Variants in FGF12 observed in about 807,000 individuals in gnomAD.
FGF12 encodes fibroblast growth factor 12B.
A neutral mutation model predicts 23.6 loss-of-function variants in FGF12; 14 were observed. The observed-to-expected ratio is 0.59, with a 90% CI of 0.39 to 0.93. The LOEUF is 0.93. FGF12 is among the 40% of genes least tolerant of loss of function. The probability of loss-of-function intolerance (pLI) is 0.00; values close to 1 mark genes in which losing one functional copy is unlikely to be tolerated. For missense variants in FGF12, 175 were observed against 217.8 expected (o/e 0.80, Z 1.24); for synonymous variants, 62 against 77.3 (o/e 0.80, Z 1.04).
intron 4 of FGF12, among the ~76,000 whole-genome samples, chr3:192,175,393 T>A (rs538906656): frequency 1.3e-5 from 2 of 150,582 alleles, no homozygotes; most frequent in African/African-American, 4.8e-5. Context: ...AGAAAACTTA[T>A]AGAAATCTGC....
At position 192,681,759 on chromosome 3, in the gene FGF12, G is replaced by A. The variant is rs1717534756; in HGVS notation, c.13+45422C>T. Among the ~76,000 whole-genome samples the A allele has an allele frequency of 1.2e-4, 11 of 92,034 alleles. No individual in the cohort carries two copies. The South Asian group carries it at 3.4e-3, about 28-fold the overall frequency. 60.4% of individuals were successfully genotyped at this position (92,034 alleles called of 152,430 possible). On this transcript the variant is annotated intron_variant, in intron 2 of 5. Coordinates refer to ENST00000445105, the MANE Select transcript of FGF12 (RefSeq NM_004113.6). Reference sequence around the variant, plus strand: ...AGATGGGCATACAGGGAGCAATGATGTATGCTCATCACCCAGATATTTACT... The same window carrying A: ...AGATGGGCATACAGGGAGCAATGATATATGCTCATCACCCAGATATTTACT...
intron 4 of FGF12, among the ~76,000 whole-genome samples, chr3:192,191,907 A>T (rs1250172235): frequency 6.6e-6 from 1 of 152,134 alleles, no homozygotes. Context: ...AGAAAGATAC[A>T]CAGAGTAGGG....
chr3:192,158,368 TTCTTTCTTTC>T (rs1229498512), intron 5 of FGF12, among the ~76,000 whole-genome samples: 2 of 98,638 alleles, frequency 2.0e-5, no homozygotes, highest in Non-Finnish European at 4.0e-5. Context: ...CTTTCTTTCT[TTCTTTCTTTC>T]TTTCTTTTCT....
At chr3:192,283,722 C>A (rs1384930626) in intron 4 of FGF12, among the ~76,000 whole-genome samples, 1 of 151,974 alleles carries the variant, frequency 6.6e-6, no homozygotes, top group Non-Finnish European at 1.5e-5. Context: ...AAACTTGATG[C>A]ACTGGGCCAT....
chr3:192,247,100 G>A (rs1026951207), intron 4 of FGF12, among the ~76,000 whole-genome samples: 1 of 125,778 alleles, frequency 8.0e-6, no homozygotes, highest in African/African-American at 3.0e-5. Flanking sequence ...AAGGAAGGAA[G>A]GAATATCCTA....
chr3:192,307,200 A>C (rs1715691053), intron 4 of FGF12, among the ~76,000 whole-genome samples: 1 of 152,240 alleles, frequency 6.6e-6, no homozygotes, highest in Admixed American at 6.5e-5. Flanking sequence ...TAAGAAATAC[A>C]ATGGAGACAG....
chr3:192,422,826 A>G (rs1243277104), intron 2 of FGF12, among the ~76,000 whole-genome samples: 1 of 152,160 alleles, frequency 6.6e-6, no homozygotes, highest in African/African-American at 2.4e-5. Flanking sequence ...ATCACATTTC[A>G]GTTATGTGGT....
chr3:192,560,540 ATAT>A (rs1415397463), intron 2 of FGF12, among the ~76,000 whole-genome samples: 4 of 152,114 alleles, frequency 2.6e-5, no homozygotes, highest in Non-Finnish European at 4.4e-5. Context: ...CTATGGGCAA[ATAT>A]TATACATGCC....
intron 2 of FGF12, among the ~76,000 whole-genome samples, chr3:192,512,835 A>AATATATATATATATATATATATATAT (rs773570110): frequency 4.8e-4 from 37 of 76,694 alleles, no homozygotes; most frequent in African/African-American, 2.0e-3. Flanking sequence ...TACTCAAATA[A>AATATATATATATATATATATATATAT]ATATATATAT....
chr3:192,649,582 G>C (rs1390676803), intron 2 of FGF12, among the ~76,000 whole-genome samples: 2 of 151,836 alleles, frequency 1.3e-5, no homozygotes, highest in African/African-American at 4.8e-5. Flanking sequence ...TTTTAATAGA[G>C]TCTCACCCTG....
chr3:192,382,287 C>A (rs1719851099), intron 2 of FGF12, among the ~76,000 whole-genome samples: 2 of 152,142 alleles, frequency 1.3e-5, no homozygotes, highest in South Asian at 4.1e-4. Context: ...AGCCACCGCG[C>A]CCGGCCTAGC....
In FGF12 at chr3:192,697,308, G is replaced by C. The variant is rs561724888; in HGVS notation, c.13+29873C>G. 3.3e-5 allele frequency among the ~76,000 whole-genome samples: 5 copies of C among 152,266 alleles called. No homozygotes were observed. In the South Asian group the frequency reaches 1.0e-3, roughly 32 times the overall value. On this transcript the variant is annotated intron_variant, in intron 2 of 5. Coordinates refer to ENST00000445105, the MANE Select transcript of FGF12 (RefSeq NM_004113.6). ...ATACATTAGACTTGCATTGCTTTTG[G>C]AAACAGAATAGAAAGAATTTCACTT...
intron 2 of FGF12, among the ~76,000 whole-genome samples, chr3:192,363,215 G>A (rs1718816076): frequency 6.7e-6 from 1 of 149,526 alleles, no homozygotes; most frequent in Non-Finnish European, 1.5e-5. Flanking sequence ...TTGTGCACAT[G>A]TACCCTAAAA....
In FGF12 at chr3:192,493,555, A is replaced by C. The variant is rs189535069; in HGVS notation, c.14-133017T>G. 1.8e-3 allele frequency among the ~76,000 whole-genome samples: 268 copies of C among 152,264 alleles called. 1 individual carries two copies. Among genetic ancestry groups the C allele is most frequent in the Non-Finnish European group, 3.1e-3 (208 of 68,026 alleles). On this transcript the variant is annotated intron_variant, in intron 2 of 5. Transcript: ENST00000445105. ...AATACCTGAGCCTGGGTAATTTATA[A>C]AGAAAAGTGGTTTAATTGGCTCACA... is the stretch of plus-strand genomic sequence containing the variant.
At chr3:192,273,532 G>A (rs980749377) in intron 4 of FGF12, among the ~76,000 whole-genome samples, 4 of 152,204 alleles carry the variant, frequency 2.6e-5, no homozygotes, top group South Asian at 2.1e-4. Flanking sequence ...ATGTAAGCTC[G>A]AGGAGTCACG....
chr3:192,590,284 A>G (rs926612577), intron 2 of FGF12, among the ~76,000 whole-genome samples: 4 of 151,956 alleles, frequency 2.6e-5, no homozygotes, highest in Non-Finnish European at 5.9e-5. Context: ...AAAATTTCAA[A>G]CCATGAAAAA....
chr3:192,375,267 G>A (rs1049926208), intron 2 of FGF12, among the ~76,000 whole-genome samples: 24 of 151,842 alleles, frequency 1.6e-4, no homozygotes, highest in African/African-American at 3.6e-4. Flanking sequence ...TATCATCTTC[G>A]TTTGTGGTTT....
At chr3:192,647,762 T>C (rs567551130) in intron 2 of FGF12, among the ~76,000 whole-genome samples, 8 of 150,130 alleles carry the variant, frequency 5.3e-5, no homozygotes, top group Non-Finnish European at 1.0e-4. Context: ...CATATATATA[T>C]ACACACACTA....
At chr3:192,487,833 A>G (rs1021758514) in intron 2 of FGF12, among the ~76,000 whole-genome samples, 2 of 152,050 alleles carry the variant, frequency 1.3e-5, no homozygotes, top group African/African-American at 4.8e-5. Flanking sequence ...TTTCTAAAAG[A>G]ATGTAAGGGT....
Sources: allele counts gnomAD v4.1 joint callset (sites outside exome capture counted in the v4.1 genomes callset), GRCh38; gene constraint gnomAD v4.1.1; transcripts MANE v1.5; gene names NCBI Gene and HGNC (gene_info 2026-07-23, HGNC 2026-07-21).